The following DCDC2C variants were observed in gnomAD, a reference collection of about 807,000 sequenced individuals.
DCDC2C encodes the protein doublecortin domain containing 2C, also known as doublecortin domain-containing protein 2C.
A neutral mutation model predicts 45.0 loss-of-function variants in DCDC2C; 44 were observed. That is an observed-to-expected ratio of 0.98 (90% CI 0.77 to 1.26). The LOEUF (loss-of-function observed/expected upper bound fraction) is 1.26. Ranked by LOEUF, DCDC2C falls within the 50% of genes most tolerant of loss-of-function variation. The pLI, the probability that DCDC2C is intolerant of heterozygous loss-of-function variation, is 0.00. For missense variants in DCDC2C, 447 were observed against 468.9 expected (o/e 0.95, Z 0.43); for synonymous variants, 187 against 178.8 (o/e 1.05, Z -0.37).
In DCDC2C at chr2:3,782,027, G is replaced by A. The variant is rs941097766; in HGVS notation, c.1024-3032G>A. On this transcript the variant is annotated intron_variant, in intron 9 of 10. Coordinates refer to ENST00000399143, the MANE Select transcript of DCDC2C (RefSeq NM_001287444.2). Reference sequence around the variant, plus strand: ...CGTGCAGTTCAGCGGCATTAATCACGTTCTCCGTGTTGCACAGTCACGGCT... The same window carrying A: ...CGTGCAGTTCAGCGGCATTAATCACATTCTCCGTGTTGCACAGTCACGGCT... Among the ~76,000 whole-genome samples, 5 of 152,130 alleles carry A rather than the reference G, an allele frequency of 3.3e-5. 1 individual carries two copies. The highest frequency in any genetic ancestry group is 2.1e-4 in the South Asian group (1 of 4,820).
intron 4 of DCDC2C, among the ~76,000 whole-genome samples, chr2:3,745,809 A>T (rs1442777704): frequency 1.3e-5 from 2 of 152,006 alleles, no homozygotes; most frequent in Non-Finnish European, 2.9e-5. Context: ...TCCTGGGCTC[A>T]GAGGATCCTC....
At chr2:3,811,277 C>A (rs977281740) in intron 10 of DCDC2C, among the ~76,000 whole-genome samples, 6 of 152,112 alleles carry the variant, frequency 3.9e-5, no homozygotes, top group Non-Finnish European at 5.9e-5. Flanking sequence ...TTGTAGTTCT[C>A]CTTGAAGAGG....
In DCDC2C at chr2:3,750,562, C is replaced by T. The variant is rs974050258; in HGVS notation, c.546-2201C>T. Among the ~76,000 whole-genome samples the T allele has an allele frequency of 5.3e-5, 8 of 152,182 alleles. No homozygotes were observed. In the South Asian group the frequency reaches 6.2e-4, roughly 12 times the overall value. ...TCCTTCTAGATTTTGAAAATATCAC[C>T]GTCTTTCCTGTCTGTGTTGCTGCTG... is the stretch of plus-strand genomic sequence containing the variant. On this transcript the variant is annotated intron_variant, in intron 4 of 10. Coordinates refer to ENST00000399143, the MANE Select transcript of DCDC2C (RefSeq NM_001287444.2).
intron 4 of DCDC2C, among the ~76,000 whole-genome samples, chr2:3,746,769 G>T (rs144331154): frequency 1.6e-4 from 25 of 152,324 alleles, no homozygotes; most frequent in African/African-American, 5.8e-4. Context: ...CAGTGCTGGG[G>T]CTGAGCCAGT....
At position 3,703,748 on chromosome 2, in the gene DCDC2C, G is replaced by C; in HGVS notation, c.-4G>C. On this transcript the variant is annotated 5_prime_UTR_variant, in exon 1 of 11. Transcript: ENST00000399143. The surrounding 1 kb of genome is among the most constrained non-coding windows in gnomAD (Gnocchi z 4.4). ...CCCCGGCGAGCGAGGAGCGGGGCGC[G>C]GCTATGGGAACCCGCGGGCCCTCCG... 1 of 1,231,102 alleles carries C rather than the reference G, an allele frequency of 8.1e-7. No individual in the cohort carries two copies. The highest frequency in any genetic ancestry group is 3.2e-5 in the East Asian group (1 of 31,586). 76.3% of individuals were successfully genotyped at this position (1,231,102 alleles called of 1,614,324 possible). A position where few individuals can be genotyped will look rare whatever the true frequency, so the allele number is the denominator to read the frequency against.
intron 8 of DCDC2C, among the ~76,000 whole-genome samples, chr2:3,774,861 G>C (rs567979785): frequency 1.3e-4 from 20 of 151,952 alleles, no homozygotes; most frequent in African/African-American, 4.6e-4. Flanking sequence ...CTGCCTCCCA[G>C]TTCAAGCGAT....
intron 10 of DCDC2C, among the ~76,000 whole-genome samples, chr2:3,841,465 T>TC (rs1558251204): frequency 1.4e-5 from 2 of 142,726 alleles, no homozygotes; most frequent in Non-Finnish European, 3.1e-5. Flanking sequence ...CTAAATCTTT[T>TC]TAATTCTGCA....
chr2:3,786,966 G>C (rs921904250), intron 10 of DCDC2C, among the ~76,000 whole-genome samples: 1 of 152,224 alleles, frequency 6.6e-6, no homozygotes, highest in Non-Finnish European at 1.5e-5. Flanking sequence ...TCTTGAGTTA[G>C]ATAATGAAAG....
chr2:3,786,381 C>T (rs1361273606), intron 10 of DCDC2C, among the ~76,000 whole-genome samples: 9 of 129,570 alleles, frequency 6.9e-5, no homozygotes, highest in East Asian at 2.4e-4. Context: ...GCCTCCGGTG[C>T]GGGTGTGTCC....
At chr2:3,791,239 C>T (rs969409234) in intron 10 of DCDC2C, among the ~76,000 whole-genome samples, 1 of 152,216 alleles carries the variant, frequency 6.6e-6, no homozygotes, top group East Asian at 1.9e-4. Context: ...CTGGGCAGTG[C>T]TCTTCATGAA....
rs894134250 is a variant in DCDC2C, at chr2:3,734,170, C to T, written c.416+7091C>T. On this transcript the variant is annotated intron_variant, in intron 3 of 10. Coordinates refer to ENST00000399143, the MANE Select transcript of DCDC2C (RefSeq NM_001287444.2). This position sits in a 1 kb window ranked among gnomAD's most constrained non-coding sequence, Gnocchi z 4.2. ...GCCCCAAAGGCATGGCGGCTGTCAG[C>T]GTGGATGTTTCACCTTCATTTCTTC... is the stretch of plus-strand genomic sequence containing the variant. 4.6e-5 allele frequency among the ~76,000 whole-genome samples: 7 copies of T among 152,200 alleles called. No homozygotes were observed. The highest frequency in any genetic ancestry group is 1.9e-4 in the East Asian group (1 of 5,190).
chr2:3,814,796 G>C (rs1254217610), intron 10 of DCDC2C, among the ~76,000 whole-genome samples: 1 of 152,248 alleles, frequency 6.6e-6, no homozygotes, highest in African/African-American at 2.4e-5. Context: ...GATGGGTCAG[G>C]TCAGGCCTAA....
At chr2:3,841,206 T>C (rs1672206108) in intron 10 of DCDC2C, among the ~76,000 whole-genome samples, 1 of 152,104 alleles carries the variant, frequency 6.6e-6, no homozygotes, top group South Asian at 2.1e-4. Flanking sequence ...ATGAGTATCC[T>C]TAGGGGAGAC....
At chr2:3,715,019 A>G (rs1668314177) in intron 2 of DCDC2C, among the ~76,000 whole-genome samples, 1 of 152,226 alleles carries the variant, frequency 6.6e-6, no homozygotes, top group Non-Finnish European at 1.5e-5. Context: ...TCAGAGATTA[A>G]CCACTGTTTT....
intron 2 of DCDC2C, among the ~76,000 whole-genome samples, chr2:3,724,769 A>G (rs946423660): frequency 1.3e-5 from 2 of 152,094 alleles, no homozygotes; most frequent in Non-Finnish European, 2.9e-5. Context: ...ACTGTGTCTG[A>G]CTTGGGGAGC....
intron 9 of DCDC2C, among the ~76,000 whole-genome samples, chr2:3,780,659 C>T (rs555955869): frequency 1.3e-5 from 2 of 152,152 alleles, no homozygotes; most frequent in Non-Finnish European, 1.5e-5. Flanking sequence ...GGGGAGCAAA[C>T]GAAGGCATCC....
rs1572646075 is a variant in DCDC2C, at chr2:3,828,472, C to G, written c.1066-18682C>G. Among the ~76,000 whole-genome samples, 3 of 152,012 alleles carry G rather than the reference C, an allele frequency of 2.0e-5. No homozygotes were observed. The East Asian group carries it at 5.8e-4, about 29-fold the overall frequency. On this transcript the variant is annotated intron_variant, in intron 10 of 10. Transcript: ENST00000399143. ...AGCTCACTAGTTTGTTTCCAAGTGC[C>G]CAGCAACCCTTTGGGCTCTACCCAA...
chr2:3,759,102 T>C (rs926705602), intron 6 of DCDC2C, among the ~76,000 whole-genome samples: 10 of 152,130 alleles, frequency 6.6e-5, no homozygotes, highest in Non-Finnish European at 7.3e-5. Context: ...AAATGTGCAG[T>C]TCAGGTACCA....
At chr2:3,821,062 G>C (rs930187972) in intron 10 of DCDC2C, among the ~76,000 whole-genome samples, 4 of 152,146 alleles carry the variant, frequency 2.6e-5, no homozygotes, top group African/African-American at 9.7e-5. Context: ...TCAGCAAAGG[G>C]AGATAGGGAT....
Sources: allele counts gnomAD v4.1 joint callset (sites outside exome capture counted in the v4.1 genomes callset), GRCh38; gene constraint gnomAD v4.1.1; non-coding constraint Gnocchi (gnomAD v3.1); transcripts MANE v1.5; gene names NCBI Gene and HGNC (gene_info 2026-07-23, HGNC 2026-07-21).